Variants in SYNDIG1 observed in about 807,000 individuals in gnomAD.
The protein encoded by SYNDIG1 is synapse differentiation-inducing gene protein 1.
SYNDIG1 carries 9 observed loss-of-function variants against 19.4 expected under a neutral mutation model. That is an observed-to-expected ratio of 0.46 (90% CI 0.28 to 0.81). The LOEUF (loss-of-function observed/expected upper bound fraction) is 0.81. SYNDIG1 is among the 30% of genes least tolerant of loss of function. SYNDIG1 has a pLI of 0.12. For missense variants in SYNDIG1, 311 were observed against 343.3 expected, an observed-to-expected ratio of 0.91 and a Z score of 0.74; for synonymous variants, 141 against 145.9, an observed-to-expected ratio of 0.97 and a Z score of 0.24.
At chr20:24,615,311 A>G (rs1471573624) in intron 3 of SYNDIG1, among the ~76,000 whole-genome samples, 1 of 152,216 alleles carries the variant, frequency 6.6e-6, no homozygotes, top group Non-Finnish European at 1.5e-5. Flanking sequence ...TCTGAGATTC[A>G]GAGAACCCCA....
At chr20:24,490,244 T>A (rs1442085837) in intron 1 of SYNDIG1, among the ~76,000 whole-genome samples, 1 of 152,248 alleles carries the variant, frequency 6.6e-6, no homozygotes, top group African/African-American at 2.4e-5. Flanking sequence ...AGATCACAGT[T>A]CCCAGAGTAC....
At chr20:24,650,046 T>C (rs1306520956) in intron 3 of SYNDIG1, among the ~76,000 whole-genome samples, 1 of 152,174 alleles carries the variant, frequency 6.6e-6, no homozygotes, top group Non-Finnish European at 1.5e-5. Context: ...CTCTCCTGTG[T>C]CAGCCAGGCC....
intron 1 of SYNDIG1, among the ~76,000 whole-genome samples, chr20:24,517,865 G>A (rs2056919896): frequency 6.7e-6 from 1 of 149,246 alleles, no homozygotes; most frequent in African/African-American, 2.5e-5. Flanking sequence ...GAGTGCAGTG[G>A]CACGATCTCG....
At chr20:24,662,563 G>T (rs2059613982) in intron 3 of SYNDIG1, among the ~76,000 whole-genome samples, 1 of 152,072 alleles carries the variant, frequency 6.6e-6, no homozygotes, top group Non-Finnish European at 1.5e-5. Flanking sequence ...GGCTGTTAAG[G>T]CTGTGCCTCT....
Position 24,640,054 on chromosome 20 carries a change from C to T in SYNDIG1, c.619-25292C>T, listed in dbSNP as rs573482603. 1.1e-3 allele frequency among the ~76,000 whole-genome samples: 163 copies of T among 152,220 alleles called. 2 individuals are homozygous for T. Among genetic ancestry groups the T allele is most frequent in the Middle Eastern group, 3.4e-3 (1 of 294 alleles). On this transcript the variant is annotated intron_variant, in intron 3 of 3. Transcript: ENST00000376862. ...TTTCTTAAGAAATAAGCTCTTCTGG[C>T]CAGGTGCAATGGCTCATGCCTGTAA...
intron 3 of SYNDIG1, among the ~76,000 whole-genome samples, chr20:24,601,520 G>A (rs1283017978): frequency 1.3e-5 from 2 of 151,918 alleles, no homozygotes; most frequent in African/African-American, 4.8e-5. Context: ...TCTCATATCG[G>A]TTATGGCAAG....
intron 3 of SYNDIG1, among the ~76,000 whole-genome samples, chr20:24,585,887 G>A (rs1045059939): frequency 2.0e-5 from 3 of 152,290 alleles, no homozygotes; most frequent in South Asian, 2.1e-4. Context: ...AAGGTACAGA[G>A]GGTCCCTCTC....
At chr20:24,613,972 G>T (rs988182755) in intron 3 of SYNDIG1, among the ~76,000 whole-genome samples, 1 of 152,160 alleles carries the variant, frequency 6.6e-6, no homozygotes, top group Non-Finnish European at 1.5e-5. Flanking sequence ...CACTCTGATC[G>T]CCAGCGGGGT....
chr20:24,472,795 C>T (rs1213130790), intron 1 of SYNDIG1, among the ~76,000 whole-genome samples: 3 of 152,208 alleles, frequency 2.0e-5, no homozygotes, highest in African/African-American at 7.2e-5. Context: ...CTGTGCTTTC[C>T]TGTATATAAA....
chr20:24,645,316 T>C (rs1212336085), intron 3 of SYNDIG1, among the ~76,000 whole-genome samples: 3 of 152,156 alleles, frequency 2.0e-5, no homozygotes, highest in Non-Finnish European at 4.4e-5. Flanking sequence ...CTGCACCCAG[T>C]TGGGCCTAGA....
intron 1 of SYNDIG1, among the ~76,000 whole-genome samples, chr20:24,489,779 G>A (rs1453750268): frequency 6.6e-6 from 1 of 152,228 alleles, no homozygotes; most frequent in Non-Finnish European, 1.5e-5. Flanking sequence ...GGAGCCAGGG[G>A]CCTCCAGCCA....
intron 2 of SYNDIG1, among the ~76,000 whole-genome samples, chr20:24,557,743 T>G (rs1388722333): frequency 1.3e-5 from 2 of 152,160 alleles, no homozygotes; most frequent in Non-Finnish European, 2.9e-5. Flanking sequence ...GTTAGGCTGC[T>G]CGGGGGTCAG....
chr20:24,477,718 C>A (rs1410940578), intron 1 of SYNDIG1, among the ~76,000 whole-genome samples: 1 of 152,178 alleles, frequency 6.6e-6, no homozygotes, highest in Non-Finnish European at 1.5e-5. Flanking sequence ...GTGTCCTGTA[C>A]ATTATGCAGA....
At chr20:24,555,934 GA>G (rs892556876) in intron 2 of SYNDIG1, among the ~76,000 whole-genome samples, 23 of 152,250 alleles carry the variant, frequency 1.5e-4, no homozygotes, top group African/African-American at 5.3e-4. Context: ...TATTGTGTGG[GA>G]GTCTAAGTCT....
rs1026805716 is a variant in SYNDIG1, at chr20:24,585,056, G to A, written c.618+63G>A. The A allele has an allele frequency of 4.8e-5, 26 of 545,474 alleles. 1 individual carries two copies. The highest frequency in any genetic ancestry group is 7.6e-5 in the Non-Finnish European group (22 of 289,996). The allele number at this position is 545,474 out of a possible 1,614,324, so 33.8% of individuals were successfully genotyped here. A position where few individuals can be genotyped will look rare whatever the true frequency, so the allele number is the denominator to read the frequency against. ...TGTTCACAGGGTGGGGGTGGGGGCG[G>A]CAATCCCAGCCGAGGAGGAGAAGCA... is the stretch of plus-strand genomic sequence containing the variant. On this transcript the variant is annotated intron_variant, in intron 3 of 3. Coordinates refer to ENST00000376862, the MANE Select transcript of SYNDIG1 (RefSeq NM_024893.3).
At chr20:24,594,486 T>G (rs1309157219) in intron 3 of SYNDIG1, among the ~76,000 whole-genome samples, 2 of 152,222 alleles carry the variant, frequency 1.3e-5, no homozygotes, top group Non-Finnish European at 2.9e-5. Flanking sequence ...TCTTTCCACT[T>G]AGGATTGCCT....
Position 24,665,837 on chromosome 20 carries a change from A to AAT in SYNDIG1, c.*337_*338dup, listed in dbSNP as rs1449096103. 48 of 344,726 alleles carry AAT rather than the reference A, an allele frequency of 1.4e-4. No homozygotes were observed. The Admixed American group carries it at 2.4e-3, about 17-fold the overall frequency. 21.4% of individuals were successfully genotyped at this position (344,726 alleles called of 1,614,324 possible). ...GTGCCCAGAGTGCCACCGCATTAGC[A>AAT]ATATACAAACAGTCCAAAAAAGTGT... On this transcript the variant is annotated 3_prime_UTR_variant, in exon 4 of 4. Transcript: ENST00000376862.
chr20:24,565,386 C>T (rs528558180), intron 2 of SYNDIG1, among the ~76,000 whole-genome samples: 10 of 152,254 alleles, frequency 6.6e-5, no homozygotes, highest in East Asian at 1.9e-4. Flanking sequence ...ATCATTCAGC[C>T]GAGATAACAG....
chr20:24,495,994 G>A (rs1008090807), intron 1 of SYNDIG1, among the ~76,000 whole-genome samples: 1 of 152,046 alleles, frequency 6.6e-6, no homozygotes, highest in African/African-American at 2.4e-5. Flanking sequence ...ACAGGTGCCT[G>A]CCACCACGCC....
Sources: gnomAD v4.1 joint callset for allele counts (sites outside exome capture counted in the v4.1 genomes callset) on GRCh38, gnomAD v4.1.1 for gene constraint, MANE v1.5 for transcripts, NCBI Gene and HGNC (gene_info 2026-07-23, HGNC 2026-07-21) for gene names.